The following ZNF341 variants were observed in gnomAD, a reference collection of about 807,000 sequenced individuals.
The protein encoded by ZNF341 is zinc finger protein 341.
ZNF341 carries 52 observed loss-of-function variants against 87.7 expected under a neutral mutation model. The observed-to-expected ratio is 0.59, with a 90% CI of 0.47 to 0.75. The LOEUF is 0.75. Ranked by LOEUF, ZNF341 falls within the 30% of genes least tolerant of loss-of-function variation. The probability of loss-of-function intolerance (pLI) is 0.00; values close to 1 mark genes in which losing one functional copy is unlikely to be tolerated. For missense variants in ZNF341, 977 were observed against 1,145.9 expected (o/e 0.85, Z 2.13); for synonymous variants, 459 against 472.7 (o/e 0.97, Z 0.38).
intron 12 of ZNF341, among the ~76,000 whole-genome samples, chr20:33,784,705 C>T: frequency 6.6e-6 from 1 of 151,700 alleles, no homozygotes; most frequent in South Asian, 2.1e-4. Flanking sequence ...ACCTCTGCCT[C>T]CCGGGTTCAA....
At chr20:33,747,639 A>G (rs113083569) in intron 3 of ZNF341, among the ~76,000 whole-genome samples, 10,146 of 142,372 alleles carry the variant, frequency 0.071, 784 homozygotes, top group Non-Finnish European at 0.12. Context: ...AAAAAAAAAA[A>G]AAACACAGTC....
At chr20:33,774,430 C>T (rs1024438468) in intron 10 of ZNF341, among the ~76,000 whole-genome samples, 3 of 151,994 alleles carry the variant, frequency 2.0e-5, no homozygotes, top group African/African-American at 4.8e-5. Flanking sequence ...ACCCAGAGAT[C>T]GCCACTGCAC....
chr20:33,777,957 T>C (rs1444876537), intron 10 of ZNF341, among the ~76,000 whole-genome samples: 4 of 152,192 alleles, frequency 2.6e-5, no homozygotes, highest in African/African-American at 9.7e-5. Flanking sequence ...ATGATTAAAT[T>C]CAGGTCATGC....
chr20:33,783,617 G>A (rs1319453549), intron 11 of ZNF341, 115 bp from the exon 12 acceptor site: 5 of 1,461,792 alleles, frequency 3.4e-6, no homozygotes, highest in Non-Finnish European at 4.7e-6. Context: ...GCCCCTGATA[G>A]CCAGAAAGGA....
intron 9 of ZNF341, among the ~76,000 whole-genome samples, chr20:33,768,349 C>T (rs1339960076): frequency 6.6e-6 from 1 of 151,758 alleles, no homozygotes; most frequent in East Asian, 1.9e-4. Context: ...TCCCGAATTC[C>T]TTACCTCAAG....
chr20:33,748,252 A>G (rs749406408), intron 3 of ZNF341, among the ~76,000 whole-genome samples: 1 of 151,534 alleles, frequency 6.6e-6, no homozygotes, highest in Non-Finnish European at 1.5e-5. Flanking sequence ...TTGTATTTTT[A>G]GTAGAGATGG....
Position 33,766,940 on chromosome 20 carries a change from G to T in ZNF341, c.1312G>T (p.Val438Leu). 1 of 1,614,200 alleles carries T rather than the reference G, an allele frequency of 6.2e-7. No homozygotes were observed. Among genetic ancestry groups the T allele is most frequent in the Non-Finnish European group, 8.5e-7 (1 of 1,180,030 alleles). ...EEGDKPESKQ[V>L]VLIDSSYLCQ... is the part of the protein sequence containing the mutation. The stretch of plus-strand genomic sequence containing the variant: ...GGGGGACAAGCCGGAGTCCAAGCAG[G>T]TGGTCCTCATCGACAGCTCCTACCT... The change falls in exon 9 of 15, where the codon GTG becomes TTG. Residue 438 changes from valine to leucine, a missense_variant. Physicochemically the swap from Val to Leu is conservative, Grantham distance 32. Transcript: ENST00000375200.
At chr20:33,753,828 C>T (rs2019113166) in intron 5 of ZNF341, among the ~76,000 whole-genome samples, 2 of 152,180 alleles carry the variant, frequency 1.3e-5, no homozygotes. Flanking sequence ...AAGAAATATC[C>T]ATCAGGCATC....
chr20:33,774,527 A>G (rs146555413), intron 10 of ZNF341, among the ~76,000 whole-genome samples: 30 of 152,326 alleles, frequency 2.0e-4, no homozygotes, highest in African/African-American at 6.3e-4. Flanking sequence ...ATCACAGACT[A>G]TATTTGAGTC....
intron 10 of ZNF341, among the ~76,000 whole-genome samples, chr20:33,770,978 C>T (rs968331605): frequency 3.3e-5 from 5 of 151,504 alleles, no homozygotes; most frequent in Non-Finnish European, 5.9e-5. Flanking sequence ...AAAAATTAGC[C>T]GGGCGTGGTG....
chr20:33,790,415 C>T (rs914606123), intron 14 of ZNF341, among the ~76,000 whole-genome samples: 39 of 151,868 alleles, frequency 2.6e-4, no homozygotes, highest in African/African-American at 9.5e-4. Context: ...CTGTCCTGTG[C>T]CCTGTAGGAT....
At chr20:33,760,781 C>T (rs531433574) in intron 7 of ZNF341, among the ~76,000 whole-genome samples, 4 of 152,070 alleles carry the variant, frequency 2.6e-5, no homozygotes, top group South Asian at 4.2e-4. Context: ...TGAGCTCAAG[C>T]GATTCTTCCG....
chr20:33,759,243 G>C (rs1252354283), intron 7 of ZNF341, among the ~76,000 whole-genome samples: 1 of 152,186 alleles, frequency 6.6e-6, no homozygotes, highest in East Asian at 1.9e-4. Flanking sequence ...GGAAGGGGAG[G>C]CTGGGCTTGT....
At chr20:33,785,805 C>T (rs1352182685) in intron 12 of ZNF341, among the ~76,000 whole-genome samples, 4 of 152,132 alleles carry the variant, frequency 2.6e-5, no homozygotes, top group Admixed American at 2.6e-4. Flanking sequence ...CAAAAATGAG[C>T]ACATACTATA....
chr20:33,738,613 C>G (rs2018741767), intron 1 of ZNF341, among the ~76,000 whole-genome samples: 1 of 152,120 alleles, frequency 6.6e-6, no homozygotes, highest in African/African-American at 2.4e-5. Context: ...GCAACTTTTT[C>G]AAAGGTGGTT....
At chr20:33,750,610 T>G (rs2019034795) in intron 4 of ZNF341, among the ~76,000 whole-genome samples, 1 of 151,440 alleles carries the variant, frequency 6.6e-6, no homozygotes, top group African/African-American at 2.4e-5. Flanking sequence ...ACTACATACA[T>G]GGTGCCAACA....
chr20:33,751,324 G>T lies in ZNF341; in HGVS notation c.490-1848G>T, dbSNP rs571319520. On this transcript the variant is annotated intron_variant, in intron 4 of 14. Transcript: ENST00000375200. ...TCATGATTCTCTCAAAAGACTCACG[G>T]GACTCAGAGGTAGTTGTACTCATGG... 7.2e-5 allele frequency among the ~76,000 whole-genome samples: 11 copies of T among 152,092 alleles called. No individual in the cohort carries two copies. In the South Asian group the frequency reaches 2.3e-3, roughly 32 times the overall value.
At chr20:33,736,942 G>T (rs2018699888) in intron 1 of ZNF341, among the ~76,000 whole-genome samples, 1 of 152,062 alleles carries the variant, frequency 6.6e-6, no homozygotes, top group Admixed American at 6.6e-5. Flanking sequence ...AAGGAACAAA[G>T]GACAAAGTGT....
chr20:33,757,907 A>T (rs2019214866), intron 6 of ZNF341, among the ~76,000 whole-genome samples: 1 of 152,172 alleles, frequency 6.6e-6, no homozygotes, highest in African/African-American at 2.4e-5. Flanking sequence ...GGCAAGCAGT[A>T]GTATCTGCCA....
Sources: allele counts gnomAD v4.1 joint callset (sites outside exome capture counted in the v4.1 genomes callset), GRCh38; gene constraint gnomAD v4.1.1; transcripts MANE v1.5; gene names NCBI Gene and HGNC (gene_info 2026-07-23, HGNC 2026-07-21).